The following NPFFR2 variants were observed in gnomAD, a reference collection of about 807,000 sequenced individuals.
NPFFR2 encodes the protein G-protein coupled receptor 74.
Under a neutral mutation model 13.1 loss-of-function variants are expected in NPFFR2, and 15 were observed. The observed-to-expected ratio is 1.15, with a 90% CI of 0.77 to 1.76. The LOEUF (loss-of-function observed/expected upper bound fraction) is 1.76, where lower values mean the gene tolerates loss of function less well. NPFFR2 is among the 40% of genes most tolerant of loss of function. The pLI is 0.00. For synonymous variants in NPFFR2, 190 were observed against 175.7 expected (o/e 1.08, Z -0.65); for missense variants, 572 against 503.5 (o/e 1.14, Z -1.30).
chr4:72,127,303 CAAAA>C (rs772559589), intron 1 of NPFFR2, among the ~76,000 whole-genome samples: 20 of 11,394 alleles, frequency 1.8e-3, no homozygotes, highest in African/African-American at 4.5e-3. Context: ...GACTCCATCT[CAAAA>C]AAAAAAAAAA....
chr4:72,128,843 C>A lies in NPFFR2; in HGVS notation c.252C>A (p.Ile84=), dbSNP rs1722150967. ...KHMHTVTNLF[I]LNLAISDLLV... is the part of the protein sequence containing the mutation. ...TGCACACAGTCACTAATCTCTTCAT[C>A]TTAAACCTGGCCATAAGTGATTTAC... Residue 84 remains isoleucine, a synonymous_variant, in exon 2 of 4, where the codon ATC becomes ATA. Transcript: ENST00000308744. 1 of 1,614,018 alleles carries A rather than the reference C, an allele frequency of 6.2e-7. No individual in the cohort carries two copies. Among genetic ancestry groups the A allele is most frequent in the East Asian group, 2.2e-5 (1 of 44,860 alleles).
At chr4:72,037,823 T>A (rs1719083459) in intron 1 of NPFFR2, among the ~76,000 whole-genome samples, 1 of 152,226 alleles carries the variant, frequency 6.6e-6, no homozygotes, top group Non-Finnish European at 1.5e-5. Context: ...TTAAGTAATT[T>A]CTGTGATATA....
intron 3 of NPFFR2, 56 bp downstream of exon 3, chr4:72,138,195 A>G: frequency 8.8e-7 from 1 of 1,131,024 alleles, no homozygotes; most frequent in South Asian, 1.3e-5. Context: ...CAACTAGTAT[A>G]CCAGAAAAAT....
chr4:72,076,858 T>C (rs1400953128), intron 1 of NPFFR2, among the ~76,000 whole-genome samples: 1 of 152,190 alleles, frequency 6.6e-6, no homozygotes, highest in Non-Finnish European at 1.5e-5. Flanking sequence ...AATGTGATCA[T>C]GAAAAGTAAT....
chr4:72,105,187 T>C (rs1214442444), intron 1 of NPFFR2, among the ~76,000 whole-genome samples: 1 of 151,674 alleles, frequency 6.6e-6, no homozygotes, highest in Non-Finnish European at 1.5e-5. Context: ...TTCATTTGAA[T>C]AGGGATTTTT....
At chr4:72,102,023 G>A (rs1721264825) in intron 1 of NPFFR2, among the ~76,000 whole-genome samples, 2 of 151,984 alleles carry the variant, frequency 1.3e-5, no homozygotes, top group African/African-American at 4.8e-5. Context: ...TATTTCCTTG[G>A]GACTAATTAA....
chr4:72,136,580 A>C (rs1289236530), intron 2 of NPFFR2, among the ~76,000 whole-genome samples: 1 of 152,152 alleles, frequency 6.6e-6, no homozygotes, highest in Middle Eastern at 3.2e-3. Context: ...TCTGCATATC[A>C]GTGTTATTGA....
intron 1 of NPFFR2, among the ~76,000 whole-genome samples, chr4:72,092,423 C>CTGTCAGTG (rs1468125581): frequency 6.6e-6 from 1 of 151,988 alleles, no homozygotes; most frequent in Non-Finnish European, 1.5e-5. Flanking sequence ...CTGTCTAGTC[C>CTGTCAGTG]TGTCAGTGGC....
chr4:72,053,216 A>G (rs1402475111), intron 1 of NPFFR2, among the ~76,000 whole-genome samples: 1 of 151,884 alleles, frequency 6.6e-6, no homozygotes, highest in Non-Finnish European at 1.5e-5. Context: ...TTATCTGTAA[A>G]TAGAAAACAA....
At chr4:72,143,639 G>C (rs1722696845) in intron 3 of NPFFR2, among the ~76,000 whole-genome samples, 1 of 152,288 alleles carries the variant, frequency 6.6e-6, no homozygotes, top group African/African-American at 2.4e-5. Context: ...GCCCAGTCAA[G>C]TCGATAGATT....
At chr4:72,078,041 T>C (rs2109790278) in intron 1 of NPFFR2, among the ~76,000 whole-genome samples, 1 of 152,200 alleles carries the variant, frequency 6.6e-6, no homozygotes, top group East Asian at 1.9e-4. Context: ...GAGTGCAATA[T>C]ATTAGAAATA....
intron 1 of NPFFR2, among the ~76,000 whole-genome samples, chr4:72,090,776 G>A (rs1560408423): frequency 6.6e-6 from 1 of 152,072 alleles, no homozygotes; most frequent in African/African-American, 2.4e-5. Context: ...TCAGTGAACA[G>A]CAGCAGTTTT....
chr4:72,125,135 CAA>C (rs1268177321), intron 1 of NPFFR2, among the ~76,000 whole-genome samples: 1 of 152,156 alleles, frequency 6.6e-6, no homozygotes, highest in Non-Finnish European at 1.5e-5. Flanking sequence ...AGACACTTCT[CAA>C]AAGAGGACAT....
intron 1 of NPFFR2, chr4:72,068,838 GTTTT>G: frequency 6.3e-6 from 2 of 316,588 alleles, no homozygotes; most frequent in Admixed American, 5.6e-5. Context: ...GAGGTTCTTA[GTTTT>G]TTTTTTTTTT....
At chr4:72,053,063 C>T (rs923939011) in intron 1 of NPFFR2, among the ~76,000 whole-genome samples, 1 of 151,708 alleles carries the variant, frequency 6.6e-6, no homozygotes, top group Non-Finnish European at 1.5e-5. Context: ...TAAAACCAAG[C>T]TGTAGCTCGA....
In NPFFR2 at chr4:72,129,445, C is replaced by G. The variant is rs888467045; in HGVS notation, c.328+526C>G. ...CAAAGAGGGGGATGTGTCAGGGTCA[C>G]AAGACAATTGTGGGGAGAGGGTCAG... On this transcript the variant is annotated intron_variant, in intron 2 of 3. Transcript: ENST00000308744. Among the ~76,000 whole-genome samples, 6 of 109,894 alleles carry G rather than the reference C, an allele frequency of 5.5e-5. No homozygotes were observed. In the Admixed American group the frequency reaches 6.1e-4, roughly 11 times the overall value. The allele number at this position is 109,894 out of a possible 152,430, so 72.1% of individuals were successfully genotyped here. A position where few individuals can be genotyped will look rare whatever the true frequency, so the allele number is the denominator to read the frequency against.
rs368305828 is a variant in NPFFR2 at position 72,147,447 on chromosome 4, G to A, written c.898G>A (p.Ala300Thr). 2.9e-5 allele frequency: 46 copies of A among 1,613,984 alleles called. No individual in the cohort carries two copies. Among genetic ancestry groups the A allele is most frequent in the African/African-American group, 1.9e-4 (14 of 74,900 alleles). The change falls in exon 4 of 4, where the codon GCT (alanine) becomes ACT (threonine). Residue 300 changes from alanine (A) to threonine (T), a missense_variant. Coordinates refer to ENST00000308744, the MANE Select transcript of NPFFR2 (RefSeq NM_004885.3). The part of the protein sequence containing the change: ...LWTLMMLSDY[A>T]DLSPNELQII... ...GACTCTAATGATGCTCTCAGACTAC[G>A]CTGACCTTTCTCCAAATGAACTGCA...
intron 1 of NPFFR2, among the ~76,000 whole-genome samples, chr4:72,122,298 G>T (rs1211446281): frequency 6.6e-6 from 1 of 151,998 alleles, no homozygotes; most frequent in African/African-American, 2.4e-5. Flanking sequence ...CCACGCAATA[G>T]TAGTGGGAGA....
intron 1 of NPFFR2, among the ~76,000 whole-genome samples, chr4:72,102,264 T>A (rs1216130746): frequency 6.6e-6 from 1 of 152,066 alleles, no homozygotes. Context: ...GAGCTTGGAC[T>A]TTGTGTTAGA....
Sources: allele counts gnomAD v4.1 joint callset (sites outside exome capture counted in the v4.1 genomes callset), GRCh38; gene constraint gnomAD v4.1.1; transcripts MANE v1.5; gene names NCBI Gene and HGNC (gene_info 2026-07-23, HGNC 2026-07-21).